BTBD9: variants seen among roughly 807,000 people sequenced by gnomAD.
The protein encoded by BTBD9 is BTB/POZ domain-containing protein 9.
In BTBD9, 49 loss-of-function variants were observed where a neutral mutation model predicts 64.3. The ratio of observed to expected loss-of-function variants is 0.76; its 90% CI spans 0.61 to 0.97. BTBD9 has a LOEUF of 0.97. BTBD9 is among the 50% of genes least tolerant of loss of function. BTBD9 has a pLI of 0.00. For synonymous variants in BTBD9, 260 were observed against 274.7 expected (o/e 0.95, Z 0.53); for missense variants, 598 against 762.1 (o/e 0.78, Z 2.53).
chr6:38,381,886 G>C (rs1214773434), intron 6 of BTBD9, among the ~76,000 whole-genome samples: 1 of 151,486 alleles, frequency 6.6e-6, no homozygotes, highest in Non-Finnish European at 1.5e-5. Flanking sequence ...AATAAGTAAT[G>C]GAAATTAGAA....
At chr6:38,520,792 T>A (rs7748839) in intron 6 of BTBD9, among the ~76,000 whole-genome samples, 48,013 of 141,698 alleles carry the variant, frequency 0.34, 7,954 homozygotes, top group African/African-American at 0.45. Flanking sequence ...ATAAAAAATT[T>A]AAAAAAAAGC....
intron 6 of BTBD9, among the ~76,000 whole-genome samples, chr6:38,495,059 A>C (rs1411950592): frequency 6.6e-6 from 1 of 152,248 alleles, no homozygotes; most frequent in Non-Finnish European, 1.5e-5. Context: ...GCCTACCCAA[A>C]GAATAGAAAA....
intron 6 of BTBD9, among the ~76,000 whole-genome samples, chr6:38,357,309 T>C (rs568750717): frequency 6.6e-6 from 1 of 152,276 alleles, no homozygotes; most frequent in Admixed American, 6.5e-5. Context: ...ATTCAGTGTT[T>C]TGGGGGCCTG....
Position 38,594,311 on chromosome 6 carries a change from C to G in BTBD9, c.202G>C (p.Gly68Arg), listed in dbSNP as rs1776946593. The part of the protein sequence containing the change: ...CQYFRALLYG[G>R]MRESQPEAEI... ...GCTTCAGGCTGAGACTCTCGCATTC[C>G]ACCATATAATAATGCTCTGCACATC... is the stretch of plus-strand genomic sequence containing the variant. Residue 68 changes from glycine (G) to arginine (R), a missense_variant, in exon 3 of 11, where the codon GGA becomes CGA. Coordinates refer to ENST00000481247, the MANE Select transcript of BTBD9 (RefSeq NM_001099272.2). 1 of 1,612,184 alleles carries G rather than the reference C, an allele frequency of 6.2e-7. No homozygotes were observed. The highest frequency in any genetic ancestry group is 1.7e-5 in the Admixed American group (1 of 59,890).
chr6:38,228,135 G>A (rs182348499), intron 9 of BTBD9, among the ~76,000 whole-genome samples: 16 of 152,224 alleles, frequency 1.1e-4, no homozygotes, highest in Non-Finnish European at 1.5e-4. Context: ...GCAGAGGTGG[G>A]CGGACTGCTT....
At chr6:38,467,427 A>G (rs1331221032) in intron 6 of BTBD9, among the ~76,000 whole-genome samples, 1 of 152,192 alleles carries the variant, frequency 6.6e-6, no homozygotes, top group Non-Finnish European at 1.5e-5. Context: ...AAAAATCAGA[A>G]ATTACCTCCC....
intron 6 of BTBD9, among the ~76,000 whole-genome samples, chr6:38,508,241 T>C (rs1772627070): frequency 6.6e-6 from 1 of 152,090 alleles, no homozygotes; most frequent in Admixed American, 6.5e-5. Flanking sequence ...ACCAACTCAA[T>C]ATATTTAAAG....
At chr6:38,368,437 C>T (rs912247802) in intron 6 of BTBD9, among the ~76,000 whole-genome samples, 2 of 152,010 alleles carry the variant, frequency 1.3e-5, no homozygotes, top group African/African-American at 4.8e-5. Context: ...CGGGTTCAAG[C>T]GATTCTCCTG....
chr6:38,175,289 G>T, intron 10 of BTBD9, 107 bp from the exon 11 acceptor site: 3 of 1,148,212 alleles, frequency 2.6e-6, no homozygotes, highest in Non-Finnish European at 3.8e-6. Context: ...CCACCACGAG[G>T]GAGTTAGAGG....
rs115703610 is a variant in BTBD9, at chr6:38,469,080, A to G, written c.1154+108520T>C. Among the ~76,000 whole-genome samples the G allele has an allele frequency of 7.0e-3, 1,071 of 152,154 alleles. 12 individuals carry two copies. The highest frequency in any genetic ancestry group is 0.024 in the African/African-American group (1,005 of 41,520). ...CTTGTTGGTATGTCTGTAAAAATCTAAAGTTGCATTAAAAAAAAAAGGCCT... is the reference window on the plus strand; with the variant it reads ...CTTGTTGGTATGTCTGTAAAAATCTGAAGTTGCATTAAAAAAAAAAGGCCT... On this transcript the variant is annotated intron_variant, in intron 6 of 10. Coordinates refer to ENST00000481247, the MANE Select transcript of BTBD9 (RefSeq NM_001099272.2).
chr6:38,234,894 A>T (rs1395245319), intron 9 of BTBD9, among the ~76,000 whole-genome samples: 3 of 152,248 alleles, frequency 2.0e-5, no homozygotes, highest in African/African-American at 7.2e-5. Flanking sequence ...GTCTAATAAC[A>T]CAATCCCTAG....
intron 10 of BTBD9, among the ~76,000 whole-genome samples, chr6:38,189,337 T>G (rs541165407): frequency 6.6e-6 from 1 of 152,348 alleles, no homozygotes; most frequent in Non-Finnish European, 1.5e-5. Context: ...GCCTCTGAAC[T>G]CTGCCATACT....
chr6:38,630,476 T>C (rs888826214), intron 1 of BTBD9, among the ~76,000 whole-genome samples: 2 of 152,246 alleles, frequency 1.3e-5, no homozygotes, highest in Non-Finnish European at 2.9e-5. Context: ...TTGGGTATTA[T>C]ATCTGCAACT....
chr6:38,245,506 G>C (rs1406146495), intron 9 of BTBD9, among the ~76,000 whole-genome samples: 1 of 152,190 alleles, frequency 6.6e-6, no homozygotes, highest in African/African-American at 2.4e-5. Context: ...GATGGGAACA[G>C]GGAGAGGGAT....
chr6:38,376,123 A>T (rs1765689098), intron 6 of BTBD9, among the ~76,000 whole-genome samples: 1 of 152,208 alleles, frequency 6.6e-6, no homozygotes, highest in South Asian at 2.1e-4. Context: ...GCCACAAAAG[A>T]AAAATTGCCC....
At chr6:38,541,835 T>C (rs1033822424) in intron 6 of BTBD9, among the ~76,000 whole-genome samples, 3 of 152,362 alleles carry the variant, frequency 2.0e-5, no homozygotes, top group Admixed American at 2.0e-4. Flanking sequence ...CCTCTGCTTC[T>C]AGAAAGTTTA....
chr6:38,635,597 T>C (rs928742586), intron 1 of BTBD9, among the ~76,000 whole-genome samples: 1 of 152,220 alleles, frequency 6.6e-6, no homozygotes, highest in African/African-American at 2.4e-5. Flanking sequence ...AATGAATTAA[T>C]GCCAGTAGAG....
chr6:38,174,134 G>T lies in BTBD9; in HGVS notation c.*851C>A, dbSNP rs1023216932. 1.3e-5 allele frequency: 2 copies of T among 152,254 alleles called. No individual in the cohort carries two copies. The highest frequency in any genetic ancestry group is 4.8e-5 in the African/African-American group (2 of 41,468). The allele number at this position is 152,254 out of a possible 1,614,324, so 9.4% of individuals were successfully genotyped here. On this transcript the variant is annotated 3_prime_UTR_variant, in exon 11 of 11. Coordinates refer to ENST00000481247, the MANE Select transcript of BTBD9 (RefSeq NM_001099272.2). ...AACTCGGTATATGTTTATCTACATGGACTTCGGAACAGTGAATTAGCAGCG... is the reference window on the plus strand; with the variant it reads ...AACTCGGTATATGTTTATCTACATGTACTTCGGAACAGTGAATTAGCAGCG...
At chr6:38,636,558 A>G (rs1778532776) in intron 1 of BTBD9, among the ~76,000 whole-genome samples, 1 of 152,186 alleles carries the variant, frequency 6.6e-6, no homozygotes. Context: ...CCTTACCTCT[A>G]GCTGGTCATA....
Sources: allele counts gnomAD v4.1 joint callset (sites outside exome capture counted in the v4.1 genomes callset), GRCh38; gene constraint gnomAD v4.1.1; transcripts MANE v1.5; gene names NCBI Gene and HGNC (gene_info 2026-07-23, HGNC 2026-07-21).